Variants in CPQ observed in about 807,000 individuals in gnomAD.
The protein encoded by CPQ is carboxypeptidase Q.
A neutral mutation model predicts 45.7 loss-of-function variants in CPQ; 37 were observed. That is an observed-to-expected ratio of 0.81 (90% confidence interval 0.62 to 1.07). The LOEUF (loss-of-function observed/expected upper bound fraction) is 1.07. Among genes scored for constraint, CPQ ranks in the 50% least tolerant of loss-of-function variants. The probability of loss-of-function intolerance (pLI) is 0.00; values close to 1 mark genes in which losing one functional copy is unlikely to be tolerated. For synonymous variants in CPQ, 186 were observed against 205.8 expected, an observed-to-expected ratio of 0.90 and a Z score of 0.82; for missense variants, 537 against 572.9, an observed-to-expected ratio of 0.94 and a Z score of 0.64.
chr8:96,889,697 C>T (rs1376488852), intron 4 of CPQ, among the ~76,000 whole-genome samples: 1 of 152,102 alleles, frequency 6.6e-6, no homozygotes, highest in Non-Finnish European at 1.5e-5. Context: ...GGCCCGAGAG[C>T]CCTTGGCAAA....
At chr8:96,718,430 C>G (rs1274814051) in intron 1 of CPQ, among the ~76,000 whole-genome samples, 5 of 152,052 alleles carry the variant, frequency 3.3e-5, no homozygotes, top group Admixed American at 6.5e-5. Flanking sequence ...AGTGTTACAG[C>G]TCTTAAGGCA....
intron 1 of CPQ, among the ~76,000 whole-genome samples, chr8:96,765,617 A>G (rs1810457902): frequency 6.6e-6 from 1 of 152,214 alleles, no homozygotes; most frequent in African/African-American, 2.4e-5. Flanking sequence ...CCTATTTCAC[A>G]GGTCCAAACC....
At chr8:96,647,979 T>A (rs538619188) in intron 1 of CPQ, among the ~76,000 whole-genome samples, 1 of 152,308 alleles carries the variant, frequency 6.6e-6, no homozygotes, top group South Asian at 2.1e-4. Flanking sequence ...CCCAACCTCT[T>A]TCTTTATAAG....
chr8:96,715,947 G>A (rs1486100083), intron 1 of CPQ, among the ~76,000 whole-genome samples: 1 of 152,226 alleles, frequency 6.6e-6, no homozygotes. Context: ...CTGAGCAGCA[G>A]GTACCAGCAC....
At chr8:96,711,213 A>G (rs1299342162) in intron 1 of CPQ, among the ~76,000 whole-genome samples, 1 of 151,918 alleles carries the variant, frequency 6.6e-6, no homozygotes, top group Non-Finnish European at 1.5e-5. Flanking sequence ...GTTTATTAGA[A>G]CCCTTACATT....
intron 3 of CPQ, among the ~76,000 whole-genome samples, chr8:96,851,792 A>T (rs969261957): frequency 6.6e-6 from 1 of 152,158 alleles, no homozygotes; most frequent in Non-Finnish European, 1.5e-5. Flanking sequence ...TTTGAAGGGG[A>T]CTCGACAGTC....
intron 1 of CPQ, among the ~76,000 whole-genome samples, chr8:96,698,617 A>G (rs7844852): frequency 0.024 from 3,697 of 152,312 alleles, 168 homozygotes; most frequent in African/African-American, 0.084. Context: ...ATTAATAGCC[A>G]TAATATGTAA....
intron 4 of CPQ, among the ~76,000 whole-genome samples, chr8:96,920,556 A>G (rs1020372374): frequency 7.9e-5 from 12 of 152,116 alleles, no homozygotes; most frequent in East Asian, 1.9e-4. Flanking sequence ...AAGCTCATTT[A>G]ATTGGTGTTG....
chr8:96,969,120 G>T (rs1813619738), intron 5 of CPQ, among the ~76,000 whole-genome samples: 1 of 152,152 alleles, frequency 6.6e-6, no homozygotes, highest in Non-Finnish European at 1.5e-5. Context: ...TTAGAATTTT[G>T]AGTTTCCAGG....
At chr8:96,654,502 A>G (rs1173327561) in intron 1 of CPQ, among the ~76,000 whole-genome samples, 1 of 152,088 alleles carries the variant, frequency 6.6e-6, no homozygotes, top group South Asian at 2.1e-4. Context: ...CTTTCCATAG[A>G]GTACTGTGTA....
intron 1 of CPQ, among the ~76,000 whole-genome samples, chr8:96,660,081 T>G (rs113840626): frequency 3.5e-4 from 53 of 152,336 alleles, no homozygotes; most frequent in African/African-American, 1.3e-3. Context: ...TCATAGTGCA[T>G]GTACCTACTG....
At chr8:96,989,338 A>G (rs1287969041) in intron 5 of CPQ, among the ~76,000 whole-genome samples, 1 of 150,804 alleles carries the variant, frequency 6.6e-6, no homozygotes, top group African/African-American at 2.4e-5. Flanking sequence ...TGTACAGAAA[A>G]GGGAAAAGAA....
intron 6 of CPQ, among the ~76,000 whole-genome samples, chr8:97,031,893 T>C (rs556228304): frequency 6.6e-6 from 1 of 152,340 alleles, no homozygotes. Flanking sequence ...ACATTGTGCA[T>C]GCTTTACATG....
At chr8:96,680,281 C>A (rs1368626814) in intron 1 of CPQ, among the ~76,000 whole-genome samples, 1 of 152,142 alleles carries the variant, frequency 6.6e-6, no homozygotes, top group East Asian at 1.9e-4. Context: ...AAATTCCCAA[C>A]TGATATGGTT....
rs76426263 is a variant in CPQ at position 97,079,836 on chromosome 8, G to T, written c.1255+13626G>T. Reference sequence around the variant, plus strand: ...TTCTGTAGGTAAGAAAATGTGAGGGGTATTTAAAATGATAACCAGTCGGGT... The same window carrying T: ...TTCTGTAGGTAAGAAAATGTGAGGGTTATTTAAAATGATAACCAGTCGGGT... On this transcript the variant is annotated intron_variant, in intron 7 of 7. Coordinates refer to ENST00000220763, the MANE Select transcript of CPQ (RefSeq NM_016134.4). 7.4e-3 allele frequency among the ~76,000 whole-genome samples: 1,122 copies of T among 152,220 alleles called. 10 individuals carry two copies. Among genetic ancestry groups the T allele is most frequent in the African/African-American group, 0.025 (1,046 of 41,522 alleles).
At chr8:96,921,591 A>G (rs1812807868) in intron 4 of CPQ, among the ~76,000 whole-genome samples, 1 of 152,186 alleles carries the variant, frequency 6.6e-6, no homozygotes, top group Non-Finnish European at 1.5e-5. Context: ...GCAGGAGTTA[A>G]TGTGCTCAGC....
intron 2 of CPQ, among the ~76,000 whole-genome samples, chr8:96,802,947 T>G (rs1811025220): frequency 6.6e-6 from 1 of 152,032 alleles, no homozygotes; most frequent in Non-Finnish European, 1.5e-5. Context: ...ATCTCTTTAT[T>G]TCATCCTTGT....
At chr8:97,101,986 C>T (rs1215560101) in intron 7 of CPQ, among the ~76,000 whole-genome samples, 1 of 149,266 alleles carries the variant, frequency 6.7e-6, no homozygotes, top group African/African-American at 2.5e-5. Flanking sequence ...CTCCTGATAG[C>T]TCACCTTATG....
rs933585432 is a variant in CPQ, at chr8:96,736,722, A to G, written c.-34-48142A>G. Among the ~76,000 whole-genome samples the G allele has an allele frequency of 2.0e-5, 3 of 152,338 alleles. No homozygotes were observed. In the South Asian group the frequency reaches 6.2e-4, roughly 32 times the overall value. On this transcript the variant is annotated intron_variant, in intron 1 of 7. Transcript: ENST00000220763. ...ATGAAGCTATCATATCTGGCCCAGC[A>G]ATTGCAACTGTGGCTACTACTTGGT... is the stretch of plus-strand genomic sequence containing the variant.
Sources: gnomAD v4.1 joint callset for allele counts (sites outside exome capture counted in the v4.1 genomes callset) on GRCh38, gnomAD v4.1.1 for gene constraint, MANE v1.5 for transcripts, NCBI Gene and HGNC (gene_info 2026-07-23, HGNC 2026-07-21) for gene names.